GSK3B: variants seen among roughly 807,000 people sequenced by gnomAD.
GSK3B encodes the protein glycogen synthase kinase 3 beta.
In GSK3B, 15 loss-of-function variants were observed where a neutral mutation model predicts 56.4. That is an observed-to-expected ratio of 0.27 (90% confidence interval 0.18 to 0.41). GSK3B has a LOEUF of 0.41. Ranked by LOEUF, GSK3B falls within the 10% of genes least tolerant of loss-of-function variation. The pLI, the probability that GSK3B is intolerant of heterozygous loss-of-function variation, is 1.00. For missense variants in GSK3B, 300 were observed against 513.4 expected, an observed-to-expected ratio of 0.58 and a Z score of 4.02; for synonymous variants, 181 against 188.9, an observed-to-expected ratio of 0.96 and a Z score of 0.34.
chr3:119,999,569 G>A (rs561890376), intron 2 of GSK3B, among the ~76,000 whole-genome samples: 1 of 152,272 alleles, frequency 6.6e-6, no homozygotes, highest in African/African-American at 2.4e-5. Flanking sequence ...GAATGTGTGG[G>A]TATTTAGGAG....
intron 1 of GSK3B, among the ~76,000 whole-genome samples, chr3:120,008,874 T>C (rs28817295): frequency 0.018 from 2,778 of 152,094 alleles, 92 homozygotes; most frequent in African/African-American, 0.064. Flanking sequence ...CTAATTAAAC[T>C]AAAGAGCTTC....
intron 8 of GSK3B, among the ~76,000 whole-genome samples, chr3:119,866,065 G>A (rs1021107409): frequency 2.6e-5 from 4 of 152,024 alleles, no homozygotes; most frequent in Non-Finnish European, 5.9e-5. Context: ...GGAAAATTAC[G>A]TGGGGTCAAA....
intron 10 of GSK3B, among the ~76,000 whole-genome samples, chr3:119,830,053 G>A (rs2107996848): frequency 6.6e-6 from 1 of 152,288 alleles, no homozygotes; most frequent in South Asian, 2.1e-4. Context: ...ACAAAGTACA[G>A]AGAGGGAAAA....
chr3:120,014,162 C>T (rs1282719458), intron 1 of GSK3B, among the ~76,000 whole-genome samples: 1 of 143,578 alleles, frequency 7.0e-6, no homozygotes, highest in Admixed American at 6.9e-5. Context: ...AAAAACAAAA[C>T]AAACAACAAC....
chr3:119,830,579 G>A (rs1413512995), intron 10 of GSK3B, among the ~76,000 whole-genome samples: 1 of 152,062 alleles, frequency 6.6e-6, no homozygotes, highest in African/African-American at 2.4e-5. Context: ...ACGCTAAATG[G>A]CATTATGGTT....
At chr3:119,942,761 C>G (rs936158754) in intron 3 of GSK3B, among the ~76,000 whole-genome samples, 1 of 152,230 alleles carries the variant, frequency 6.6e-6, no homozygotes, top group Admixed American at 6.5e-5. Context: ...AAAGTTTCTA[C>G]TGCCAAATAT....
chr3:119,887,911 AAAC>A (rs2056457209), intron 7 of GSK3B, among the ~76,000 whole-genome samples: 1 of 152,114 alleles, frequency 6.6e-6, no homozygotes, highest in Non-Finnish European at 1.5e-5. Context: ...TTCTTAACAG[AAAC>A]AATGAAAGCC....
intron 9 of GSK3B, among the ~76,000 whole-genome samples, chr3:119,860,532 T>C (rs11927667): frequency 0.091 from 13,923 of 152,246 alleles, 785 homozygotes; most frequent in Non-Finnish European, 0.12. Context: ...AATATGGAAA[T>C]ACTGTGATTA....
In GSK3B at chr3:119,927,637, T is replaced by C. The variant is rs569431947; in HGVS notation, c.367-4154A>G. ...AATCTCAGAACACTTTGAGTAGTTATATTACATAGGTGGTTGCAAACAGAG... is the reference window on the plus strand; with the variant it reads ...AATCTCAGAACACTTTGAGTAGTTACATTACATAGGTGGTTGCAAACAGAG... On this transcript the variant is annotated intron_variant, in intron 3 of 10. Coordinates refer to ENST00000264235, the MANE Select transcript of GSK3B (RefSeq NM_001146156.2). 2.0e-5 allele frequency among the ~76,000 whole-genome samples: 3 copies of C among 152,290 alleles called. No individual in the cohort carries two copies. The East Asian group carries it at 5.8e-4, about 29-fold the overall frequency.
At chr3:119,971,298 C>T (rs1453854082) in intron 2 of GSK3B, among the ~76,000 whole-genome samples, 1 of 152,128 alleles carries the variant, frequency 6.6e-6, no homozygotes, top group Non-Finnish European at 1.5e-5. Context: ...TAAAACATCA[C>T]AAAACTAGAA....
At chr3:119,976,460 A>G (rs1483678444) in intron 2 of GSK3B, among the ~76,000 whole-genome samples, 2 of 152,234 alleles carry the variant, frequency 1.3e-5, no homozygotes, top group African/African-American at 4.8e-5. Context: ...TCTAAGTGAA[A>G]GAAGCCAGAC....
intron 1 of GSK3B, among the ~76,000 whole-genome samples, chr3:120,078,057 T>C (rs2058381857): frequency 6.6e-6 from 1 of 152,208 alleles, no homozygotes; most frequent in South Asian, 2.1e-4. Context: ...TAGCTGAATC[T>C]GAATTCTAAA....
chr3:119,829,523 C>T (rs191926970), intron 10 of GSK3B, among the ~76,000 whole-genome samples: 93 of 152,344 alleles, frequency 6.1e-4, no homozygotes, highest in African/African-American at 2.2e-3. Flanking sequence ...GCTCTGGCCA[C>T]GGCAGCCATT....
At chr3:119,860,775 T>A (rs191526391) in intron 9 of GSK3B, among the ~76,000 whole-genome samples, 220 of 152,332 alleles carry the variant, frequency 1.4e-3, no homozygotes, top group African/African-American at 5.1e-3. Flanking sequence ...ACTGGTTGTA[T>A]GAATTAATGA....
chr3:119,961,790 C>A (rs532773688), intron 2 of GSK3B, among the ~76,000 whole-genome samples: 3 of 152,224 alleles, frequency 2.0e-5, no homozygotes, highest in South Asian at 2.1e-4. Context: ...AAATTTTCAA[C>A]CTTACAATGG....
intron 1 of GSK3B, among the ~76,000 whole-genome samples, chr3:120,075,332 C>T (rs541955867): frequency 6.6e-6 from 1 of 152,258 alleles, no homozygotes; most frequent in Admixed American, 6.5e-5. Flanking sequence ...GGCAAAGATG[C>T]CCACTCTGAC....
chr3:119,838,085 C>T (rs377383402), intron 10 of GSK3B, among the ~76,000 whole-genome samples: 9 of 151,314 alleles, frequency 5.9e-5, no homozygotes, highest in South Asian at 4.2e-4. Flanking sequence ...GCCAGGAGTT[C>T]GAGACCAGCC....
chr3:119,887,268 A>G (rs1387847050), intron 7 of GSK3B, among the ~76,000 whole-genome samples: 1 of 152,116 alleles, frequency 6.6e-6, no homozygotes, highest in Non-Finnish European at 1.5e-5. Context: ...ACTGCCCTCC[A>G]GGTGTAAACA....
At chr3:120,031,603 C>CT (rs2057976577) in intron 1 of GSK3B, among the ~76,000 whole-genome samples, 2 of 152,262 alleles carry the variant, frequency 1.3e-5, no homozygotes, top group African/African-American at 4.8e-5. Flanking sequence ...GGAGAAAACA[C>CT]TTAACAACAA....
Sources: allele counts gnomAD v4.1 joint callset (sites outside exome capture counted in the v4.1 genomes callset), GRCh38; gene constraint gnomAD v4.1.1; transcripts MANE v1.5; gene names NCBI Gene and HGNC (gene_info 2026-07-23, HGNC 2026-07-21).